Variants in RBFOX1 observed in about 807,000 individuals in gnomAD.
RBFOX1 encodes RNA binding protein fox-1 homolog 1.
In RBFOX1, 8 loss-of-function variants were observed where a neutral mutation model predicts 57.7. The observed-to-expected ratio is 0.14, with a 90% CI of 0.08 to 0.25. RBFOX1 has a LOEUF of 0.25. Ranked by LOEUF, RBFOX1 falls within the 10% of genes least tolerant of loss-of-function variation. The pLI, the probability that RBFOX1 is intolerant of heterozygous loss-of-function variation, is 1.00. For synonymous variants in RBFOX1, 326 were observed against 222.4 expected, an observed-to-expected ratio of 1.47 and a Z score of -4.15; for missense variants, 611 against 548.5, an observed-to-expected ratio of 1.11 and a Z score of -1.14.
Position 6,647,136 on chromosome 16 carries a change from C to T in RBFOX1, c.-63-7467C>T, listed in dbSNP as rs116006945. On this transcript the variant is annotated intron_variant, in intron 2 of 15. Coordinates refer to ENST00000550418, the MANE Select transcript of RBFOX1 (RefSeq NM_018723.4). Reference sequence around the variant, plus strand: ...CCTGGCTTGTAGTCAGTCATTCTCACTGGGTCCTCATTTGGACATTCCTGG... The same window carrying T: ...CCTGGCTTGTAGTCAGTCATTCTCATTGGGTCCTCATTTGGACATTCCTGG... Among the ~76,000 whole-genome samples, 482 of 152,334 alleles carry T rather than the reference C, an allele frequency of 3.2e-3. 5 individuals are homozygous for T. Among genetic ancestry groups the T allele is most frequent in the African/African-American group, 0.011 (461 of 41,584 alleles).
intron 3 of RBFOX1, among the ~76,000 whole-genome samples, chr16:6,755,561 T>C (rs1423599807): frequency 6.6e-6 from 1 of 152,246 alleles, no homozygotes; most frequent in Non-Finnish European, 1.5e-5. Context: ...GTTTTGATGT[T>C]TCATTTATCT....
chr16:6,505,012 G>T (rs1293208463), intron 2 of RBFOX1, among the ~76,000 whole-genome samples: 2 of 152,176 alleles, frequency 1.3e-5, no homozygotes, highest in Non-Finnish European at 1.5e-5. Flanking sequence ...GGCAGAGGTT[G>T]CAGTGAGCCA....
chr16:7,594,527 C>T (rs2094593326), intron 7 of RBFOX1, among the ~76,000 whole-genome samples: 1 of 152,080 alleles, frequency 6.6e-6, no homozygotes, highest in Non-Finnish European at 1.5e-5. Context: ...TACTTAGGAA[C>T]AATGTCAGTG....
At chr16:5,657,741 T>G (rs2151381315) in intron 3 of RBFOX1, among the ~76,000 whole-genome samples, 1 of 142,694 alleles carries the variant, frequency 7.0e-6, no homozygotes, top group African/African-American at 2.5e-5. Flanking sequence ...TCTTTTCTTT[T>G]TTTTTTTTTG....
intron 1 of RBFOX1, among the ~76,000 whole-genome samples, chr16:6,028,308 C>G (rs2095235063): frequency 6.6e-6 from 1 of 151,946 alleles, no homozygotes; most frequent in Non-Finnish European, 1.5e-5. Flanking sequence ...GAAAATAGTC[C>G]TTTTCACAGG....
At chr16:6,406,741 G>A (rs2093294734) in intron 2 of RBFOX1, among the ~76,000 whole-genome samples, 1 of 152,128 alleles carries the variant, frequency 6.6e-6, no homozygotes, top group African/African-American at 2.4e-5. Context: ...TGGCAAGCAT[G>A]CATCATTGCA....
chr16:6,825,432 T>C (rs1603629357), intron 3 of RBFOX1, among the ~76,000 whole-genome samples: 1 of 152,048 alleles, frequency 6.6e-6, no homozygotes, highest in Admixed American at 6.6e-5. Flanking sequence ...GCAGGGATGA[T>C]TTGAAAAGGG....
chr16:5,948,257 G>T (rs568708334), intron 4 of RBFOX1, among the ~76,000 whole-genome samples: 3 of 152,152 alleles, frequency 2.0e-5, no homozygotes, highest in Non-Finnish European at 4.4e-5. Flanking sequence ...TCTATGGAAG[G>T]CTTTGCTGCT....
intron 3 of RBFOX1, among the ~76,000 whole-genome samples, chr16:6,820,345 A>G (rs2091049653): frequency 6.6e-6 from 1 of 152,106 alleles, no homozygotes; most frequent in Non-Finnish European, 1.5e-5. Context: ...TGATTCCCTA[A>G]TGGATAGATA....
chr16:6,558,070 A>G (rs982039982), intron 2 of RBFOX1, among the ~76,000 whole-genome samples: 2 of 152,176 alleles, frequency 1.3e-5, no homozygotes, highest in Admixed American at 1.3e-4. Flanking sequence ...AAGGCTCTCT[A>G]TGTTAGTCAC....
chr16:5,302,245 G>T (rs1167131448), intron 1 of RBFOX1, among the ~76,000 whole-genome samples: 2 of 152,128 alleles, frequency 1.3e-5, no homozygotes, highest in African/African-American at 4.8e-5. Context: ...TAATTTTCTA[G>T]ATAACTTATT....
chr16:5,898,191 C>T (rs1181263941), intron 4 of RBFOX1, among the ~76,000 whole-genome samples: 1 of 152,122 alleles, frequency 6.6e-6, no homozygotes, highest in East Asian at 1.9e-4. Context: ...TGAGAACTCA[C>T]TCACTCTCAT....
chr16:7,566,335 C>T (rs529461716), intron 5 of RBFOX1, among the ~76,000 whole-genome samples: 11 of 152,088 alleles, frequency 7.2e-5, no homozygotes, highest in Admixed American at 3.3e-4. Context: ...CAGCCCAGAC[C>T]TAGAACATAG....
At chr16:7,262,816 G>A (rs1288181482) in intron 4 of RBFOX1, among the ~76,000 whole-genome samples, 1 of 152,266 alleles carries the variant, frequency 6.6e-6, no homozygotes, top group Non-Finnish European at 1.5e-5. Flanking sequence ...CTAAGTTAGT[G>A]CTGAAATGTG....
In RBFOX1 at chr16:6,966,171, A is replaced by G. The variant is rs536592856; in HGVS notation, c.-15-85886A>G. 9.0e-4 allele frequency among the ~76,000 whole-genome samples: 137 copies of G among 152,256 alleles called. 1 individual carries two copies. The highest frequency in any genetic ancestry group is 3.3e-3 in the African/African-American group (137 of 41,536). ...AAAAGGAGACATTTACGCTCTTGCC[A>G]GAGGCTTCCTATCTCTCTGAGCCAG... is the stretch of plus-strand genomic sequence containing the variant. On this transcript the variant is annotated intron_variant, in intron 3 of 15. Coordinates refer to ENST00000550418, the MANE Select transcript of RBFOX1 (RefSeq NM_018723.4).
At chr16:6,371,193 A>T (rs1371282009) in intron 2 of RBFOX1, among the ~76,000 whole-genome samples, 1 of 152,260 alleles carries the variant, frequency 6.6e-6, no homozygotes, top group African/African-American at 2.4e-5. Context: ...GGTGGGAGGA[A>T]TGGTTTTAGA....
intron 2 of RBFOX1, among the ~76,000 whole-genome samples, chr16:6,594,307 C>T (rs1270993566): frequency 6.6e-6 from 1 of 152,172 alleles, no homozygotes; most frequent in Non-Finnish European, 1.5e-5. Flanking sequence ...CTTCCCATGA[C>T]CCTGGGAGGC....
rs573446321 is a variant in RBFOX1, at chr16:6,762,704, A to G, written c.-16+108054A>G. 4.4e-4 allele frequency among the ~76,000 whole-genome samples: 67 copies of G among 152,318 alleles called. 1 individual carries two copies. Among genetic ancestry groups the G allele is most frequent in the Admixed American group, 2.9e-3 (45 of 15,292 alleles). On this transcript the variant is annotated intron_variant, in intron 3 of 15. Transcript: ENST00000550418. The stretch of plus-strand genomic sequence containing the variant: ...TTGTTTTGGGCCCCAGTGATTTGCT[A>G]AAGAATAGGTTGAGTTCTAGAGATA...
chr16:6,235,100 C>G (rs2097495409), intron 1 of RBFOX1, among the ~76,000 whole-genome samples: 1 of 152,148 alleles, frequency 6.6e-6, no homozygotes, highest in African/African-American at 2.4e-5. Context: ...TTGCTCCTTA[C>G]AGACTCCACT....
Sources: gnomAD v4.1 joint callset for allele counts (sites outside exome capture counted in the v4.1 genomes callset) on GRCh38, gnomAD v4.1.1 for gene constraint, MANE v1.5 for transcripts, NCBI Gene and HGNC (gene_info 2026-07-23, HGNC 2026-07-21) for gene names.